ZNF503: variants seen among roughly 807,000 people sequenced by gnomAD.
The protein encoded by ZNF503 is zinc finger protein 503, also known as NocA-like zinc finger 2.
Under a neutral mutation model 34.4 loss-of-function variants are expected in ZNF503, and 15 were observed. The observed-to-expected ratio is 0.44, with a 90% CI of 0.29 to 0.67. ZNF503 has a LOEUF of 0.67. ZNF503 is among the 30% of genes least tolerant of loss of function. The pLI is 0.13. For missense variants in ZNF503, 1,007 were observed against 926.8 expected (o/e 1.09, Z -1.12); for synonymous variants, 580 against 456.8 (o/e 1.27, Z -3.44).
At chr10:75,329,300 A>G in the ZNF503 span, among the ~76,000 whole-genome samples, 1 of 149,968 alleles carries the variant, frequency 6.7e-6, no homozygotes, top group African/African-American at 2.4e-5. Context: ...CTGTTCTAAG[A>G]GTTTTTTTGG....
chr10:75,365,694 C>G, the ZNF503 span, among the ~76,000 whole-genome samples: 14 of 152,168 alleles, frequency 9.2e-5, no homozygotes, highest in African/African-American at 3.4e-4. Context: ...TCAGCTTTCT[C>G]CCCTCTGGAA....
the ZNF503 span, among the ~76,000 whole-genome samples, chr10:75,320,162 T>G: frequency 1.3e-5 from 2 of 152,174 alleles, no homozygotes; most frequent in Non-Finnish European, 2.9e-5. Context: ...TCCTCATAAT[T>G]ATCAATGCAA....
At chr10:75,393,369 A>G (rs1843663769), downstream of ZNF503, among the ~76,000 whole-genome samples, 2 of 152,232 alleles carry the variant, frequency 1.3e-5, no homozygotes, top group Admixed American at 1.3e-4. Flanking sequence ...AGCCAACCCA[A>G]GCATAGGTTG....
the ZNF503 span, among the ~76,000 whole-genome samples, chr10:75,337,648 C>T: frequency 6.6e-6 from 1 of 151,816 alleles, no homozygotes; most frequent in Non-Finnish European, 1.5e-5. Flanking sequence ...CACAGCAGTA[C>T]CTAGATTAGT....
At chr10:75,338,912 T>A in the ZNF503 span, among the ~76,000 whole-genome samples, 3 of 152,172 alleles carry the variant, frequency 2.0e-5, no homozygotes, top group Non-Finnish European at 2.9e-5. Flanking sequence ...CTCTCGCTCT[T>A]TGCCTCCCTC....
chr10:75,286,168 A>T, the ZNF503 span, among the ~76,000 whole-genome samples: 2 of 151,930 alleles, frequency 1.3e-5, no homozygotes, highest in Non-Finnish European at 2.9e-5. Flanking sequence ...CTGTAGTCCC[A>T]GCTACTCAGG....
chr10:75,383,540 C>T, the ZNF503 span, among the ~76,000 whole-genome samples: 1 of 152,146 alleles, frequency 6.6e-6, no homozygotes, highest in African/African-American at 2.4e-5. Context: ...CTCTGTGGGC[C>T]GCCCAGTCAT....
chr10:75,304,035 T>C, the ZNF503 span, among the ~76,000 whole-genome samples: 1 of 152,138 alleles, frequency 6.6e-6, no homozygotes, highest in Non-Finnish European at 1.5e-5. Flanking sequence ...GGTTTCACCA[T>C]GTTGGCCAGG....
chr10:75,329,365 A>C, the ZNF503 span, among the ~76,000 whole-genome samples: 1 of 148,140 alleles, frequency 6.8e-6, no homozygotes, highest in African/African-American at 2.6e-5. Flanking sequence ...GACTATCATA[A>C]AACAGCTTCT....
the ZNF503 span, among the ~76,000 whole-genome samples, chr10:75,374,690 C>G: frequency 6.6e-6 from 1 of 152,228 alleles, no homozygotes; most frequent in Admixed American, 6.5e-5. Flanking sequence ...TTGTCTTTCT[C>G]CATTGGAAGA....
the ZNF503 span, among the ~76,000 whole-genome samples, chr10:75,299,341 G>A: frequency 6.6e-6 from 1 of 152,038 alleles, no homozygotes; most frequent in Non-Finnish European, 1.5e-5. Context: ...CCCCCATAAC[G>A]TTTTTTAAAT....
the ZNF503 span, among the ~76,000 whole-genome samples, chr10:75,345,652 A>G: frequency 2.7e-5 from 4 of 149,028 alleles, no homozygotes; most frequent in Non-Finnish European, 4.5e-5. Context: ...AAAAAAAAAA[A>G]GAAAAGAAAA....
the ZNF503 span, among the ~76,000 whole-genome samples, chr10:75,284,556 T>G: frequency 6.6e-6 from 1 of 152,052 alleles, no homozygotes; most frequent in African/African-American, 2.4e-5. Flanking sequence ...CTGGGCCTGA[T>G]GTGGGGAATG....
At chr10:75,397,823 TAAGAAG>T (rs374194509), downstream of ZNF503, 6 of 152,710 alleles carry the variant, frequency 3.9e-5, no homozygotes, top group African/African-American at 4.8e-5. Context: ...ATAAAAAAGA[TAAGAAG>T]AAGAAGTAAA....
the ZNF503 span, among the ~76,000 whole-genome samples, chr10:75,303,100 T>G: frequency 5.9e-5 from 9 of 152,238 alleles, no homozygotes; most frequent in Non-Finnish European, 1.2e-4. Context: ...TCAGAGCTTC[T>G]AGTTCTGTTA....
At chr10:75,358,663 A>G in the ZNF503 span, 1 of 152,326 alleles carries the variant, frequency 6.6e-6, no homozygotes, top group Non-Finnish European at 1.5e-5. Context: ...AGTGCCAACC[A>G]CATTCCCAGA....
chr10:75,281,707 G>C, the ZNF503 span, among the ~76,000 whole-genome samples: 1 of 152,194 alleles, frequency 6.6e-6, no homozygotes, highest in Non-Finnish European at 1.5e-5. Flanking sequence ...GACATTGTCT[G>C]TCCAAAGAAG....
chr10:75,383,701 G>A, the ZNF503 span, among the ~76,000 whole-genome samples: 6 of 152,172 alleles, frequency 3.9e-5, no homozygotes, highest in Admixed American at 1.3e-4. Context: ...TTCTTACTCC[G>A]CCATTTCATT....
chr10:75,319,205 A>G, the ZNF503 span, among the ~76,000 whole-genome samples: 1 of 152,088 alleles, frequency 6.6e-6, no homozygotes, highest in African/African-American at 2.4e-5. Flanking sequence ...GACTCAAGCA[A>G]TCCCTCCCAA....
Sources: gnomAD v4.1 joint callset for allele counts (sites outside exome capture counted in the v4.1 genomes callset) on GRCh38, gnomAD v4.1.1 for gene constraint, MANE v1.5 for transcripts, NCBI Gene and HGNC (gene_info 2026-07-23, HGNC 2026-07-21) for gene names.